Variants in HERC4 observed in about 807,000 individuals in gnomAD.
HERC4 encodes the protein HECT and RLD domain containing E3 ubiquitin protein ligase 4.
In HERC4, 28 loss-of-function variants were observed where a neutral mutation model predicts 124.3. The ratio of observed to expected loss-of-function variants is 0.23; its 90% CI spans 0.17 to 0.31. HERC4 has a LOEUF of 0.31. HERC4 is among the 10% of genes least tolerant of loss of function. The pLI is 1.00. For synonymous variants in HERC4, 407 were observed against 421.5 expected, an observed-to-expected ratio of 0.97 and a Z score of 0.42; for missense variants, 713 against 1,229.3, an observed-to-expected ratio of 0.58 and a Z score of 6.28.
rs568396087 is a variant in HERC4 at position 68,012,858 on chromosome 10, T to C, written c.1069+1168A>G. On this transcript the variant is annotated intron_variant, in intron 9 of 24. Transcript: ENST00000373700. The stretch of plus-strand genomic sequence containing the variant: ...AAGCTTTAGTAATTCTCGCAATATT[T>C]CAATATTTTTCATTATTATTTTATC... Among the ~76,000 whole-genome samples the C allele has an allele frequency of 8.5e-5, 13 of 152,364 alleles. No individual in the cohort carries two copies. In the South Asian group the frequency reaches 2.5e-3, roughly 29 times the overall value.
At chr10:68,035,359 T>C (rs1589383078) in intron 5 of HERC4, among the ~76,000 whole-genome samples, 1 of 152,120 alleles carries the variant, frequency 6.6e-6, no homozygotes, top group Non-Finnish European at 1.5e-5. Context: ...GGTTTCACCA[T>C]GGTGGCGAGG....
intron 24 of HERC4, among the ~76,000 whole-genome samples, chr10:67,924,089 A>G (rs140842731): frequency 3.9e-5 from 6 of 152,278 alleles, no homozygotes; most frequent in Middle Eastern, 3.4e-3. Context: ...CAGAGAAAAG[A>G]GCAATACAGT....
chr10:68,025,781 CTT>C lies in HERC4; in HGVS notation c.778-107_778-106del, dbSNP rs1392965620. ...CTTTAATATAAACTCAGTTTTTTCT[CTT>C]CTAAGAACTGTCTTCACAATTTAAC... On this transcript the variant is annotated intron_variant, in intron 7 of 24. Coordinates refer to ENST00000373700, the MANE Select transcript of HERC4 (RefSeq NM_015601.4). 1.6e-5 allele frequency: 18 copies of C among 1,097,048 alleles called. No individual in the cohort carries two copies. In the East Asian group the frequency reaches 4.5e-4, roughly 27 times the overall value. The allele number at this position is 1,097,048 out of a possible 1,614,324, so 68.0% of individuals were successfully genotyped here.
intron 22 of HERC4, among the ~76,000 whole-genome samples, chr10:67,935,774 C>G (rs1449110470): frequency 6.6e-6 from 1 of 152,162 alleles, no homozygotes; most frequent in Non-Finnish European, 1.5e-5. Flanking sequence ...TATAAGAGTT[C>G]TAGCATTTCC....
intron 15 of HERC4, among the ~76,000 whole-genome samples, chr10:67,976,356 T>C (rs1358974517): frequency 6.6e-6 from 1 of 152,180 alleles, no homozygotes; most frequent in Non-Finnish European, 1.5e-5. Context: ...TTTAATCACA[T>C]TGGATTCTAA....
At chr10:67,956,845 T>TAAAA in intron 17 of HERC4, 33 bp downstream of exon 17, 1 of 1,084,554 alleles carries the variant, frequency 9.2e-7, no homozygotes, top group Non-Finnish European at 1.3e-6. Context: ...AAGAAACAAT[T>TAAAA]AAAAAAAAAA....
chr10:67,939,485 C>G (rs1378785788), intron 21 of HERC4, 103 bp downstream of exon 21: 12 of 727,144 alleles, frequency 1.7e-5, no homozygotes, highest in South Asian at 1.2e-4. Context: ...CTAAAGGGTT[C>G]TTTAAGAATT....
At chr10:68,024,334 T>C (rs1415021673) in intron 8 of HERC4, among the ~76,000 whole-genome samples, 2 of 152,166 alleles carry the variant, frequency 1.3e-5, no homozygotes, top group African/African-American at 4.8e-5. Flanking sequence ...GAATACAAAC[T>C]GGTAAAACCA....
intron 3 of HERC4, among the ~76,000 whole-genome samples, chr10:68,071,208 G>A (rs767397947): frequency 1.1e-4 from 17 of 152,210 alleles, no homozygotes; most frequent in Non-Finnish European, 2.2e-4. Flanking sequence ...AGATGTCACA[G>A]TGCAATCATC....
intron 15 of HERC4, among the ~76,000 whole-genome samples, chr10:67,981,849 G>A (rs528479207): frequency 2.0e-5 from 3 of 152,210 alleles, no homozygotes; most frequent in African/African-American, 4.8e-5. Context: ...GCTGAGACAT[G>A]AGAATCACTT....
rs531886719 is a variant in HERC4, at chr10:68,074,917, C to T, written c.-109+227G>A. 370 of 152,722 alleles carry T rather than the reference C, an allele frequency of 2.4e-3. 4 individuals carry two copies. Among genetic ancestry groups the T allele is most frequent in the Non-Finnish European group, 4.6e-3 (314 of 68,332 alleles). The allele number at this position is 152,722 out of a possible 1,614,324, so 9.5% of individuals were successfully genotyped here. ...TGCCCCTCCCTAACGCCGTCACACG[C>T]CCCCGAACCCGCTGGGGCCACAACT... On this transcript the variant is annotated intron_variant, in intron 1 of 24. Transcript: ENST00000373700.
intron 23 of HERC4, among the ~76,000 whole-genome samples, chr10:67,928,874 T>C (rs867524801): frequency 1.3e-5 from 2 of 152,032 alleles, no homozygotes; most frequent in South Asian, 4.1e-4. Flanking sequence ...TGAGCCAAGA[T>C]TGAGCCACTG....
At chr10:67,937,962 G>A (rs778162660) in intron 21 of HERC4, among the ~76,000 whole-genome samples, 5 of 151,818 alleles carry the variant, frequency 3.3e-5, no homozygotes, top group Non-Finnish European at 7.4e-5. Flanking sequence ...GATTACAGAC[G>A]TGAGCCACTG....
chr10:67,965,854 G>C (rs1051916041), intron 16 of HERC4: 4 of 152,138 alleles, frequency 2.6e-5, no homozygotes, highest in African/African-American at 9.7e-5. Context: ...AATAAGAGTA[G>C]TAAACCTAAA....
chr10:67,956,796 C>A, intron 17 of HERC4, 82 bp downstream of exon 17: 1 of 850,424 alleles, frequency 1.2e-6, no homozygotes, highest in Non-Finnish European at 1.8e-6. Context: ...CATTACTGAT[C>A]CTAGGAAAAT....
At chr10:67,937,615 C>T (rs73261379) in intron 21 of HERC4, among the ~76,000 whole-genome samples, 13,581 of 150,652 alleles carry the variant, frequency 0.09, 1,643 homozygotes, top group African/African-American at 0.28. Flanking sequence ...TTATGGTCAC[C>T]TTATTCTAAC....
intron 3 of HERC4, among the ~76,000 whole-genome samples, chr10:68,061,986 T>C (rs1564613269): frequency 6.6e-6 from 1 of 151,454 alleles, no homozygotes; most frequent in South Asian, 2.1e-4. Context: ...ACAACGGTAT[T>C]ATATCACCAT....
intron 7 of HERC4, among the ~76,000 whole-genome samples, chr10:68,029,699 T>C (rs977783458): frequency 1.4e-5 from 2 of 148,094 alleles, no homozygotes; most frequent in African/African-American, 4.9e-5. Context: ...TATATATTTT[T>C]ATTTATATAA....
chr10:67,956,845 T>TA (rs750641328), intron 17 of HERC4, 33 bp downstream of exon 17: 59,991 of 995,130 alleles, frequency 0.06, 1 homozygote, highest in South Asian at 0.079. Context: ...AAGAAACAAT[T>TA]AAAAAAAAAA....
Sources: allele counts gnomAD v4.1 joint callset (sites outside exome capture counted in the v4.1 genomes callset), GRCh38; gene constraint gnomAD v4.1.1; transcripts MANE v1.5; gene names NCBI Gene and HGNC (gene_info 2026-07-23, HGNC 2026-07-21).